The following DHRS9 variants were observed in gnomAD, a reference collection of about 807,000 sequenced individuals.
DHRS9 encodes the protein dehydrogenase/reductase SDR family member 9.
DHRS9 carries 18 observed loss-of-function variants against 26.6 expected under a neutral mutation model. The ratio of observed to expected loss-of-function variants is 0.68; its 90% confidence interval spans 0.47 to 1.00. DHRS9 has a LOEUF of 1.00. DHRS9 is among the 50% of genes least tolerant of loss of function. DHRS9 has a pLI of 0.00. For missense variants in DHRS9, 425 were observed against 378.7 expected (o/e 1.12, Z -1.01); for synonymous variants, 134 against 141.1 (o/e 0.95, Z 0.36).
rs1010015542 is a variant in DHRS9, at chr2:169,094,786, G to A, written c.737-758G>A. Among the ~76,000 whole-genome samples, 6 of 152,012 alleles carry A rather than the reference G, an allele frequency of 3.9e-5. 1 individual carries two copies. In the South Asian group the frequency reaches 6.2e-4, roughly 16 times the overall value. ...ATTCAGTTTCATTCTTCTTCATGTG[G>A]ATATACTGTTTTCCCAATACCATGT... On this transcript the variant is annotated intron_variant, in intron 4 of 4. Transcript: ENST00000674881.
At chr2:169,089,278 T>C (rs1684447074) in intron 3 of DHRS9, among the ~76,000 whole-genome samples, 1 of 152,116 alleles carries the variant, frequency 6.6e-6, no homozygotes. Flanking sequence ...TGTTTTCAGT[T>C]AAGGGATAAA....
At chr2:169,079,983 G>GAAAGAAAGAA (rs1352055001) in intron 1 of DHRS9, among the ~76,000 whole-genome samples, 1 of 46,802 alleles carries the variant, frequency 2.1e-5, no homozygotes, top group African/African-American at 9.3e-5. Flanking sequence ...GAGAGAGAGA[G>GAAAGAAAGAA]AGAAAGAAAG....
At chr2:169,085,397 A>G (rs1425636304) in intron 3 of DHRS9, among the ~76,000 whole-genome samples, 1 of 152,160 alleles carries the variant, frequency 6.6e-6, no homozygotes, top group Non-Finnish European at 1.5e-5. Context: ...TAGGAATTGC[A>G]TTGAATCTGT....
upstream of DHRS9, among the ~76,000 whole-genome samples, chr2:169,068,880 C>T (rs7592493): frequency 0.011 from 1,717 of 152,262 alleles, 27 homozygotes; most frequent in African/African-American, 0.035. Context: ...GCACCATCTC[C>T]TCCCCTCCTC....
At chr2:169,074,344 T>A in intron 1 of DHRS9, 32 of 985,440 alleles carry the variant, frequency 3.2e-5, no homozygotes, top group Non-Finnish European at 3.9e-5. Context: ...TGCTTGCTTC[T>A]GAGGTCTGGG....
At chr2:169,092,846 C>T (rs1279509837) in intron 4 of DHRS9, among the ~76,000 whole-genome samples, 2 of 152,154 alleles carry the variant, frequency 1.3e-5, no homozygotes, top group Non-Finnish European at 2.9e-5. Context: ...CAGGGACACT[C>T]ATTTAAAATC....
In DHRS9 at chr2:169,095,607, G is replaced by A; in HGVS notation, c.800G>A (p.Cys267Tyr). 2 of 1,613,868 alleles carry A rather than the reference G, an allele frequency of 1.2e-6. No homozygotes were observed. Among genetic ancestry groups the A allele is most frequent in the Non-Finnish European group, 1.7e-6 (2 of 1,179,896 alleles). ...VNMDLSPVVE[C>Y]MDHALTSLFP... ...ATGGACCTCTCTCCGGTGGTAGAGT[G>A]CATGGACCACGCTCTAACAAGTCTC... Residue 267 changes from cysteine to tyrosine, a missense_variant, in exon 5 of 5, where the codon TGC (cysteine) becomes TAC (tyrosine). Transcript: ENST00000674881.
chr2:169,075,797 G>T (rs1260523411), intron 1 of DHRS9, among the ~76,000 whole-genome samples: 1 of 152,126 alleles, frequency 6.6e-6, no homozygotes, highest in Non-Finnish European at 1.5e-5. Context: ...CCACAGAAGA[G>T]CTGTTGTGTC....
chr2:169,078,815 CTTTTTTTT>C lies in DHRS9; in HGVS notation c.-59-2689_-59-2682del, dbSNP rs200691133. Among the ~76,000 whole-genome samples, 67 of 110,364 alleles carry C rather than the reference CTTTTTTTT, an allele frequency of 6.1e-4. 1 individual carries two copies. The highest frequency in any genetic ancestry group is 1.9e-3 in the African/African-American group (51 of 26,666). The allele number at this position is 110,364 out of a possible 152,430, so 72.4% of individuals were successfully genotyped here. ...CTCTGACTTAATTTTTATCAACTGACTTTTTTTTTTTTTTTTTTTTTTTTTTGTGACAG... is the reference window on the plus strand; with the variant it reads ...CTCTGACTTAATTTTTATCAACTGACTTTTTTTTTTTTTTTTTTGTGACAG... On this transcript the variant is annotated intron_variant, in intron 1 of 4. Transcript: ENST00000674881.
At chr2:169,075,935 T>C (rs1170800964) in intron 1 of DHRS9, among the ~76,000 whole-genome samples, 1 of 152,196 alleles carries the variant, frequency 6.6e-6, no homozygotes, top group African/African-American at 2.4e-5. Context: ...CATTATTCTC[T>C]CTTTAATTTG....
At chr2:169,080,035 AAG>A (rs1491276085) in intron 1 of DHRS9, among the ~76,000 whole-genome samples, 3 of 135,232 alleles carry the variant, frequency 2.2e-5, no homozygotes, top group Non-Finnish European at 4.9e-5. Flanking sequence ...GAAAGAAAGA[AAG>A]AAAGAAAGAA....
In DHRS9 at chr2:169,081,775, G is replaced by T. The variant is rs1214143797; in HGVS notation, c.194G>T (p.Gly65Val). The T allele has an allele frequency of 1.2e-6, 2 of 1,614,158 alleles. No individual in the cohort carries two copies. Among genetic ancestry groups the T allele is most frequent in the Non-Finnish European group, 1.7e-6 (2 of 1,180,030 alleles). Reference sequence around the variant, plus strand: ...ATCGCTGCCTGTCTGACTGAATCAGGATCAACAGCTTTAAAGGCAGAAACC... The same window carrying T: ...ATCGCTGCCTGTCTGACTGAATCAGTATCAACAGCTTTAAAGGCAGAAACC... ...HVIAACLTES[G>V]STALKAETSE... is the part of the protein sequence containing the mutation. Residue 65 changes from glycine to valine, a missense_variant, in exon 2 of 5, where the codon GGA (glycine) becomes GTA (valine). Coordinates refer to ENST00000674881, the MANE Select transcript of DHRS9 (RefSeq NM_001376924.1).
chr2:169,083,380 C>G lies in DHRS9; in HGVS notation c.365C>G (p.Thr122Ser). The change falls in exon 3 of 5, where the codon ACT becomes AGT. Residue 122 changes from threonine (T) to serine (S), a missense_variant. Physicochemically the swap from Thr to Ser is moderately conservative, Grantham distance 58 (BLOSUM62 1). Transcript: ENST00000674881. ...NAGVPGVLAP[T>S]DWLTLEDYRE... ...GGTGTTCCCGGCGTGCTGGCTCCCA[C>G]TGACTGGCTGACACTAGAGGACTAC... 2 of 1,614,170 alleles carry G rather than the reference C, an allele frequency of 1.2e-6. No individual in the cohort carries two copies. Among genetic ancestry groups the G allele is most frequent in the South Asian group, 2.2e-5 (2 of 91,086 alleles).
At chr2:169,071,438 C>A (rs1245298412) in intron 1 of DHRS9, among the ~76,000 whole-genome samples, 1 of 152,152 alleles carries the variant, frequency 6.6e-6, no homozygotes, top group African/African-American at 2.4e-5. Flanking sequence ...AAAAGAAAAT[C>A]AGAGATGCTT....
In DHRS9 at chr2:169,081,591, T is replaced by C; in HGVS notation, c.10T>C (p.Trp4Arg). The C allele has an allele frequency of 6.2e-7, 1 of 1,613,888 alleles. No individual in the cohort carries two copies. Among genetic ancestry groups the C allele is most frequent in the Non-Finnish European group, 8.5e-7 (1 of 1,179,908 alleles). The change falls in exon 2 of 5, where the codon TGG becomes CGG. Residue 4 changes from tryptophan (W) to arginine (R), a missense_variant. Coordinates refer to ENST00000674881, the MANE Select transcript of DHRS9 (RefSeq NM_001376924.1). MLF[W>R]VLGLLILCGF... is the part of the protein sequence containing the mutation. ...ACACACAGGGGGAAAAATGCTCTTT[T>C]GGGTGCTAGGCCTCCTAATCCTCTG...
intron 1 of DHRS9, chr2:169,070,900 TA>T (rs1683781668): frequency 3.6e-6 from 1 of 278,610 alleles, no homozygotes; most frequent in Non-Finnish European, 5.4e-6. Context: ...TGGTCTCTAC[TA>T]AAAATACAAA....
chr2:169,079,988 A>G (rs1684122786), intron 1 of DHRS9, among the ~76,000 whole-genome samples: 2 of 64,082 alleles, frequency 3.1e-5, no homozygotes, highest in South Asian at 5.8e-4. Context: ...AGAGAGAGAA[A>G]GAAAGAAAGA....
chr2:169,093,572 CTGTT>C (rs1268404858), intron 4 of DHRS9, among the ~76,000 whole-genome samples: 1 of 152,162 alleles, frequency 6.6e-6, no homozygotes, highest in Admixed American at 6.5e-5. Context: ...AGAGCTTTCT[CTGTT>C]TGATATTGAT....
Position 169,083,532 on chromosome 2 carries a change from G to A in DHRS9, c.517G>A (p.Gly173Arg). ...SSVGGRLAIV[G>R]GGYTPSKYAV... Reference sequence around the variant, plus strand: ...TGTTGGAGGTCGCCTTGCAATCGTTGGAGGGGGCTATACTCCATCCAAATA... The same window carrying A: ...TGTTGGAGGTCGCCTTGCAATCGTTAGAGGGGGCTATACTCCATCCAAATA... The change falls in exon 3 of 5, where the codon GGA becomes AGA. Residue 173 changes from glycine (G) to arginine (R), a missense_variant. Transcript: ENST00000674881. 2.5e-6 allele frequency: 4 copies of A among 1,614,000 alleles called. No individual in the cohort carries two copies. The highest frequency in any genetic ancestry group is 3.4e-6 in the Non-Finnish European group (4 of 1,179,972).
Sources: gnomAD v4.1 joint callset for allele counts (sites outside exome capture counted in the v4.1 genomes callset) on GRCh38, gnomAD v4.1.1 for gene constraint, MANE v1.5 for transcripts, NCBI Gene and HGNC (gene_info 2026-07-23, HGNC 2026-07-21) for gene names.